Variants in CDH4 observed in about 807,000 individuals in gnomAD.
CDH4 encodes cadherin 4, also known as cadherin-4.
Under a neutral mutation model 86.0 loss-of-function variants are expected in CDH4, and 33 were observed. The ratio of observed to expected loss-of-function variants is 0.38; its 90% CI spans 0.29 to 0.51. The LOEUF (loss-of-function observed/expected upper bound fraction) is 0.51, where lower values mean the gene tolerates loss of function less well. Among genes scored for constraint, CDH4 ranks in the 20% least tolerant of loss-of-function variants. The pLI is 0.86. For synonymous variants in CDH4, 555 were observed against 549.4 expected (o/e 1.01, Z -0.14); for missense variants, 1,114 against 1,307.4 (o/e 0.85, Z 2.28).
intron 2 of CDH4, among the ~76,000 whole-genome samples, chr20:61,268,708 G>A (rs548971718): frequency 1.9e-4 from 29 of 152,144 alleles, no homozygotes; most frequent in African/African-American, 5.8e-4. Context: ...CATTGCTCTT[G>A]CTTCCATTCT....
chr20:61,684,088 G>A lies in CDH4; in HGVS notation c.170-59475G>A. On this transcript the variant is annotated intron_variant, in intron 2 of 15. Transcript: ENST00000614565. The surrounding 1 kb of genome is among the most constrained non-coding windows in gnomAD (Gnocchi z 4.5). ...TCCCTGTGTGTGGATTCATTTAACA[G>A]GGTTGGCTGATACCTACTGTGTAGC... is the stretch of plus-strand genomic sequence containing the variant. 6.6e-6 allele frequency among the ~76,000 whole-genome samples: 1 copy of A among 152,234 alleles called. No homozygotes were observed. The highest frequency in any genetic ancestry group is 1.9e-4 in the East Asian group (1 of 5,200).
chr20:61,289,577 G>A (rs74449962), intron 2 of CDH4, among the ~76,000 whole-genome samples: 10,411 of 152,312 alleles, frequency 0.068, 499 homozygotes, highest in Non-Finnish European at 0.098. Context: ...ACAGGCCAGT[G>A]GCAGTCCCTG....
chr20:61,692,125 CTG>C (rs199593887), intron 2 of CDH4, among the ~76,000 whole-genome samples: 8 of 141,960 alleles, frequency 5.6e-5, no homozygotes, highest in South Asian at 4.5e-4. Flanking sequence ...ATGTGTGTGT[CTG>C]TGTGTGTCTG....
intron 2 of CDH4, among the ~76,000 whole-genome samples, chr20:61,367,760 T>G (rs2123329655): frequency 6.6e-6 from 1 of 152,168 alleles, no homozygotes; most frequent in Middle Eastern, 3.4e-3. Flanking sequence ...TAACAATAAT[T>G]GATTCAGGTC....
intron 6 of CDH4, among the ~76,000 whole-genome samples, chr20:61,865,014 G>A (rs1983483915): frequency 6.6e-6 from 1 of 152,146 alleles, no homozygotes; most frequent in Non-Finnish European, 1.5e-5. Context: ...ATCCACCCCT[G>A]AGTGGATTCG....
At chr20:61,534,608 G>A (rs907409323) in intron 2 of CDH4, among the ~76,000 whole-genome samples, 19 of 150,742 alleles carry the variant, frequency 1.3e-4, no homozygotes, top group African/African-American at 4.4e-4. Context: ...CCTTCTGCAG[G>A]GATCAGATTC....
intron 2 of CDH4, among the ~76,000 whole-genome samples, chr20:61,716,600 C>T (rs1021840312): frequency 2.0e-5 from 3 of 152,174 alleles, no homozygotes; most frequent in African/African-American, 7.2e-5. Context: ...TCACCAAAGC[C>T]CTTCGCTTCA....
chr20:61,273,434 G>C (rs1198255030), intron 2 of CDH4, among the ~76,000 whole-genome samples: 1 of 95,384 alleles, frequency 1.0e-5, no homozygotes, highest in Non-Finnish European at 2.2e-5. Context: ...CAGTTTGGGG[G>C]AGGACCATGT....
chr20:61,874,925 C>T (rs1437740605), intron 7 of CDH4, among the ~76,000 whole-genome samples: 1 of 152,256 alleles, frequency 6.6e-6, no homozygotes, highest in Non-Finnish European at 1.5e-5. Flanking sequence ...GCTCCTCGGT[C>T]TTGCTGGCCT....
At chr20:61,552,238 G>C (rs972818649) in intron 2 of CDH4, among the ~76,000 whole-genome samples, 5 of 152,170 alleles carry the variant, frequency 3.3e-5, no homozygotes, top group Non-Finnish European at 5.9e-5. Context: ...TAAGAGTCTA[G>C]TATCAAGAAT....
intron 2 of CDH4, among the ~76,000 whole-genome samples, chr20:61,399,581 C>T (rs1381416048): frequency 6.6e-6 from 1 of 152,234 alleles, no homozygotes; most frequent in Non-Finnish European, 1.5e-5. Flanking sequence ...CCTCTGCCCT[C>T]CCCAAAGCCT....
Position 61,908,609 on chromosome 20 carries a change from G to A in CDH4, c.1189-1813G>A, listed in dbSNP as rs565404776. Among the ~76,000 whole-genome samples the A allele has an allele frequency of 5.9e-5, 9 of 152,300 alleles. No individual in the cohort carries two copies. The South Asian group carries it at 8.3e-4, about 14-fold the overall frequency. ...GCGGTCTGCTGGCCGCCCGACGCCC[G>A]TTTCCCACCCCTTCTCCGTTTCCCA... On this transcript the variant is annotated intron_variant, in intron 8 of 15. Coordinates refer to ENST00000614565, the MANE Select transcript of CDH4 (RefSeq NM_001794.5).
intron 6 of CDH4, among the ~76,000 whole-genome samples, chr20:61,855,713 C>T (rs987170457): frequency 7.9e-5 from 12 of 152,254 alleles, no homozygotes; most frequent in African/African-American, 1.4e-4. Flanking sequence ...GACGTGGCCC[C>T]GTAAGTCCAC....
chr20:61,802,870 T>G (rs532902286), intron 4 of CDH4, among the ~76,000 whole-genome samples: 1 of 152,284 alleles, frequency 6.6e-6, no homozygotes, highest in African/African-American at 2.4e-5. Context: ...TTCCTCCCCG[T>G]CCTCCTGGCT....
At chr20:61,557,353 C>G (rs370214685) in intron 2 of CDH4, among the ~76,000 whole-genome samples, 5 of 152,350 alleles carry the variant, frequency 3.3e-5, no homozygotes, top group African/African-American at 1.2e-4. Context: ...GCGGCAGGTC[C>G]CCTGCAGCTG....
intron 2 of CDH4, among the ~76,000 whole-genome samples, chr20:61,361,110 C>T (rs1294954154): frequency 1.3e-5 from 2 of 152,114 alleles, no homozygotes; most frequent in Non-Finnish European, 2.9e-5. Context: ...AAGGGAGCGA[C>T]GTGGAGACGA....
In CDH4 at chr20:61,299,381, A is replaced by G. The variant is rs143730455; in HGVS notation, c.169+44444A>G. On this transcript the variant is annotated intron_variant, in intron 2 of 15. Coordinates refer to ENST00000614565, the MANE Select transcript of CDH4 (RefSeq NM_001794.5). ...TCTCCGTCAAACTCCTGGGCTCCAG[A>G]ACAGACAGAATCCATTTCCATTGCT... Among the ~76,000 whole-genome samples, 577 of 152,304 alleles carry G rather than the reference A, an allele frequency of 3.8e-3. 1 individual carries two copies. The highest frequency in any genetic ancestry group is 0.02 in the Middle Eastern group (6 of 294).
intron 4 of CDH4, among the ~76,000 whole-genome samples, chr20:61,837,785 C>T (rs1981948100): frequency 6.6e-6 from 1 of 152,048 alleles, no homozygotes; most frequent in Admixed American, 6.5e-5. Context: ...TCTGTCCCTC[C>T]ACAATCCGCC....
intron 2 of CDH4, among the ~76,000 whole-genome samples, chr20:61,341,533 T>G (rs982234663): frequency 5.9e-5 from 9 of 151,870 alleles, no homozygotes; most frequent in Non-Finnish European, 8.8e-5. Flanking sequence ...TCTTTTTTTT[T>G]TTTTTTAGAT....
Sources: gnomAD v4.1 joint callset for allele counts (sites outside exome capture counted in the v4.1 genomes callset) on GRCh38, gnomAD v4.1.1 for gene constraint, Gnocchi (gnomAD v3.1) non-coding constraint, MANE v1.5 for transcripts, NCBI Gene and HGNC (gene_info 2026-07-23, HGNC 2026-07-21) for gene names.